The following TOM1L2 variants were observed in gnomAD, a reference collection of about 807,000 sequenced individuals.
TOM1L2 encodes the protein target of myb1 like 2 membrane trafficking protein.
A neutral mutation model predicts 67.9 loss-of-function variants in TOM1L2; 31 were observed. The observed-to-expected ratio is 0.46, with a 90% CI of 0.34 to 0.62. The LOEUF (loss-of-function observed/expected upper bound fraction) is 0.62. TOM1L2 is among the 20% of genes least tolerant of loss of function. TOM1L2 has a pLI of 0.01. For synonymous variants in TOM1L2, 256 were observed against 254.0 expected (o/e 1.01, Z -0.07); for missense variants, 606 against 663.5 (o/e 0.91, Z 0.95).
At chr17:17,955,784 G>A (rs1227624401) in intron 1 of TOM1L2, among the ~76,000 whole-genome samples, 1 of 152,162 alleles carries the variant, frequency 6.6e-6, no homozygotes, top group Non-Finnish European at 1.5e-5. Flanking sequence ...TAAAGGCGGC[G>A]TGTCTGGGGT....
intron 14 of TOM1L2, among the ~76,000 whole-genome samples, chr17:17,848,078 G>GGGTGGGGCAGGGTAAGCT (rs1200782478): frequency 6.6e-6 from 1 of 152,188 alleles, no homozygotes; most frequent in Non-Finnish European, 1.5e-5. Flanking sequence ...TCAGCACTGG[G>GGGTGGGGCAGGGTAAGCT]GGTGGGGCAG....
At chr17:17,886,297 T>C (rs914173060) in intron 4 of TOM1L2, among the ~76,000 whole-genome samples, 1 of 152,270 alleles carries the variant, frequency 6.6e-6, no homozygotes, top group African/African-American at 2.4e-5. Flanking sequence ...GATGCACTTA[T>C]TTAATTTGCA....
At chr17:17,864,462 G>A (rs190290115) in intron 10 of TOM1L2, among the ~76,000 whole-genome samples, 5 of 151,494 alleles carry the variant, frequency 3.3e-5, no homozygotes, top group African/African-American at 9.7e-5. Context: ...CACCCGCCTC[G>A]GCCTCCCAAA....
chr17:17,956,457 C>G (rs1463468229), intron 1 of TOM1L2, among the ~76,000 whole-genome samples: 1 of 152,234 alleles, frequency 6.6e-6, no homozygotes, highest in Non-Finnish European at 1.5e-5. Flanking sequence ...ACACCTGGGT[C>G]ACAGGTGGAG....
intron 1 of TOM1L2, among the ~76,000 whole-genome samples, chr17:17,958,602 G>A (rs1465615561): frequency 2.0e-5 from 3 of 152,182 alleles, no homozygotes; most frequent in Non-Finnish European, 4.4e-5. Flanking sequence ...AAGAGGCTGT[G>A]AGCTAAATAG....
chr17:17,878,318 T>A lies in TOM1L2; in HGVS notation c.777+1309A>T, dbSNP rs558604471. Among the ~76,000 whole-genome samples the A allele has an allele frequency of 3.3e-5, 5 of 152,332 alleles. No homozygotes were observed. The South Asian group carries it at 1.0e-3, about 32-fold the overall frequency. On this transcript the variant is annotated intron_variant, in intron 7 of 14. Transcript: ENST00000379504. ...GCCACTCAGGACTCCTCACTGGGGC[T>A]GGGCCAAGGGTACTTTTCTCAGCTT...
chr17:17,917,118 C>T (rs940160043), intron 1 of TOM1L2, among the ~76,000 whole-genome samples: 13 of 152,040 alleles, frequency 8.6e-5, no homozygotes, highest in African/African-American at 3.1e-4. Flanking sequence ...CGAGATCACG[C>T]CACTGCACTC....
chr17:17,886,365 T>C (rs921273159), intron 4 of TOM1L2, among the ~76,000 whole-genome samples: 3 of 152,256 alleles, frequency 2.0e-5, no homozygotes, highest in African/African-American at 7.2e-5. Context: ...ACACTCCTTC[T>C]GGATTCTGAG....
At chr17:17,896,590 T>C (rs1295217044) in intron 3 of TOM1L2, among the ~76,000 whole-genome samples, 2 of 152,208 alleles carry the variant, frequency 1.3e-5, no homozygotes, top group Non-Finnish European at 2.9e-5. Flanking sequence ...CTCCCTGGGC[T>C]GGCAAGAGCC....
In TOM1L2 at chr17:17,947,249, C is replaced by A. The variant is rs141532435; in HGVS notation, c.52+25013G>T. Among the ~76,000 whole-genome samples, 30 of 152,118 alleles carry A rather than the reference C, an allele frequency of 2.0e-4. No homozygotes were observed. In the East Asian group the frequency reaches 4.6e-3, roughly 24 times the overall value. ...ATATTGCCCATGCTGGTCTTGAACTCCTGGGCTCAAGTGATCCTGCTGCCT... is the reference window on the plus strand; with the variant it reads ...ATATTGCCCATGCTGGTCTTGAACTACTGGGCTCAAGTGATCCTGCTGCCT... On this transcript the variant is annotated intron_variant, in intron 1 of 14. Transcript: ENST00000379504.
At chr17:17,888,817 T>C (rs1381181381) in intron 4 of TOM1L2, among the ~76,000 whole-genome samples, 2 of 152,222 alleles carry the variant, frequency 1.3e-5, no homozygotes, top group Non-Finnish European at 2.9e-5. Flanking sequence ...AGGGATGGCA[T>C]AGAGTGGGAG....
chr17:17,923,964 C>T (rs1350217936), intron 1 of TOM1L2, among the ~76,000 whole-genome samples: 3 of 151,692 alleles, frequency 2.0e-5, no homozygotes, highest in Non-Finnish European at 4.4e-5. Flanking sequence ...GGTGAAACCC[C>T]GTCTCCACTA....
chr17:17,905,662 G>A (rs1232479402), intron 2 of TOM1L2, among the ~76,000 whole-genome samples: 1 of 152,070 alleles, frequency 6.6e-6, no homozygotes, highest in African/African-American at 2.4e-5. Context: ...CCTCAGCCTC[G>A]TACAGTGCTG....
intron 1 of TOM1L2, among the ~76,000 whole-genome samples, chr17:17,937,553 G>A (rs138140910): frequency 2.0e-5 from 3 of 152,286 alleles, no homozygotes; most frequent in Non-Finnish European, 4.4e-5. Context: ...CAGTGGGGGA[G>A]GGCCTTTCCC....
chr17:17,944,073 G>A (rs1468188584), intron 1 of TOM1L2, among the ~76,000 whole-genome samples: 20 of 152,212 alleles, frequency 1.3e-4, no homozygotes, highest in Non-Finnish European at 1.8e-4. Flanking sequence ...TCCTCTGGAT[G>A]AGAAGGTGGG....
chr17:17,915,158 T>C (rs970947590), intron 1 of TOM1L2, among the ~76,000 whole-genome samples: 1 of 152,196 alleles, frequency 6.6e-6, no homozygotes, highest in Admixed American at 6.5e-5. Context: ...GTGTGGATTG[T>C]ATTAAACTTT....
At chr17:17,944,478 CTAAAGAA>C (rs1370616704) in intron 1 of TOM1L2, among the ~76,000 whole-genome samples, 3 of 152,160 alleles carry the variant, frequency 2.0e-5, no homozygotes, top group African/African-American at 4.8e-5. Context: ...GGCTGCAAAC[CTAAAGAA>C]TATTTATGAT....
chr17:17,940,101 G>A (rs1482626720), intron 1 of TOM1L2, among the ~76,000 whole-genome samples: 2 of 147,478 alleles, frequency 1.4e-5, no homozygotes, highest in Non-Finnish European at 3.0e-5. Context: ...GCTGAAGCAT[G>A]AGAATCACTT....
intron 4 of TOM1L2, among the ~76,000 whole-genome samples, chr17:17,893,161 T>C (rs1014740897): frequency 2.0e-5 from 3 of 152,218 alleles, no homozygotes; most frequent in South Asian, 2.1e-4. Context: ...CCTTTGCACA[T>C]GCTATTCTCC....
Sources: allele counts gnomAD v4.1 joint callset (sites outside exome capture counted in the v4.1 genomes callset), GRCh38; gene constraint gnomAD v4.1.1; transcripts MANE v1.5; gene names NCBI Gene and HGNC (gene_info 2026-07-23, HGNC 2026-07-21).